The following SLC24A2 variants were observed in gnomAD, a reference collection of about 807,000 sequenced individuals.
The protein encoded by SLC24A2 is sodium/potassium/calcium exchanger 2.
A neutral mutation model predicts 62.0 loss-of-function variants in SLC24A2; 36 were observed. The observed-to-expected ratio is 0.58, with a 90% CI of 0.44 to 0.77. The LOEUF (loss-of-function observed/expected upper bound fraction) is 0.77. SLC24A2 is among the 30% of genes least tolerant of loss of function. The probability of loss-of-function intolerance (pLI) is 0.00; values close to 1 mark genes in which losing one functional copy is unlikely to be tolerated. For synonymous variants in SLC24A2, 358 were observed against 294.0 expected (o/e 1.22, Z -2.23); for missense variants, 846 against 817.9 (o/e 1.03, Z -0.42).
chr9:19,673,727 G>T lies in SLC24A2; in HGVS notation c.931-51428C>A, dbSNP rs373074307. 1.9e-4 allele frequency among the ~76,000 whole-genome samples: 29 copies of T among 152,314 alleles called. 1 individual carries two copies. The highest frequency in any genetic ancestry group is 6.5e-4 in the African/African-American group (27 of 41,578). On this transcript the variant is annotated intron_variant, in intron 2 of 10. Coordinates refer to ENST00000341998, the MANE Select transcript of SLC24A2 (RefSeq NM_020344.4). The stretch of plus-strand genomic sequence containing the variant: ...GGCCTCCCAAAATGCTGGGATTACA[G>T]GTATGAGCCACTGCGCCCAGACGTG...
In SLC24A2 at chr9:19,515,791, T is replaced by C. The variant is rs1482908236; in HGVS notation, c.*362A>G. On this transcript the variant is annotated 3_prime_UTR_variant, in exon 11 of 11. Coordinates refer to ENST00000341998, the MANE Select transcript of SLC24A2 (RefSeq NM_020344.4). Reference sequence around the variant, plus strand: ...GGTATAGTACAGGAACAGGCAGGATTTGTGTGTTCATGTGCGTATATTTAT... The same window carrying C: ...GGTATAGTACAGGAACAGGCAGGATCTGTGTGTTCATGTGCGTATATTTAT... The C allele has an allele frequency of 6.4e-6, 2 of 313,370 alleles. No individual in the cohort carries two copies. Among genetic ancestry groups the C allele is most frequent in the Non-Finnish European group, 1.3e-5 (2 of 159,224 alleles). 19.4% of individuals were successfully genotyped at this position (313,370 alleles called of 1,614,324 possible). A position where few individuals can be genotyped will look rare whatever the true frequency, so the allele number is the denominator to read the frequency against.
chr9:19,900,482 G>A, the SLC24A2 span, among the ~76,000 whole-genome samples: 1 of 152,162 alleles, frequency 6.6e-6, no homozygotes, highest in East Asian at 1.9e-4. Context: ...GTTGATTTTG[G>A]CATCAGGCAG....
At chr9:19,553,036 G>A (rs550629588) in intron 7 of SLC24A2, among the ~76,000 whole-genome samples, 1 of 152,282 alleles carries the variant, frequency 6.6e-6, no homozygotes, top group Admixed American at 6.5e-5. Flanking sequence ...ACAGCCTCCT[G>A]GGGGCCAAGT....
chr9:19,661,894 C>T (rs1275654458), intron 2 of SLC24A2, among the ~76,000 whole-genome samples: 1 of 152,174 alleles, frequency 6.6e-6, no homozygotes, highest in African/African-American at 2.4e-5. Flanking sequence ...CAAAACACAT[C>T]CGAGAGCTTT....
At chr9:19,797,496 C>T in the SLC24A2 span, among the ~76,000 whole-genome samples, 2 of 152,170 alleles carry the variant, frequency 1.3e-5, no homozygotes, top group African/African-American at 4.8e-5. Context: ...TTGGATGCGA[C>T]CTGCCAAGTA....
intron 2 of SLC24A2, among the ~76,000 whole-genome samples, chr9:19,694,596 T>G (rs1820132297): frequency 6.6e-6 from 1 of 152,088 alleles, no homozygotes; most frequent in African/African-American, 2.4e-5. Flanking sequence ...GCATCAAGGG[T>G]TAAAATTCAT....
chr9:19,525,369 G>GTT (rs200126371), intron 9 of SLC24A2, among the ~76,000 whole-genome samples: 2 of 112,014 alleles, frequency 1.8e-5, no homozygotes, highest in African/African-American at 6.6e-5. Context: ...GTTCTGCAAG[G>GTT]TTTTTTTTTC....
the SLC24A2 span, among the ~76,000 whole-genome samples, chr9:19,853,036 C>T: frequency 1.3e-5 from 2 of 152,048 alleles, no homozygotes; most frequent in African/African-American, 4.8e-5. Context: ...CTTCACTTCC[C>T]TTGTTAGATG....
chr9:19,706,625 G>A (rs1427894436), intron 2 of SLC24A2, among the ~76,000 whole-genome samples: 51 of 152,190 alleles, frequency 3.4e-4, no homozygotes, highest in African/African-American at 1.2e-3. Flanking sequence ...TGATCCGCTC[G>A]TCTCGGCCTC....
Position 19,521,006 on chromosome 9 carries a change from C to A in SLC24A2, c.1624G>T (p.Ala542Ser). The part of the protein sequence containing the change: ...EEIMGLTILA[A>S]GTSIPDLITS... ...ATAAGATCAGGGATGGAGGTCCCAG[C>A]AGCCAAGATGGTCAGGCCCATAATC... The change falls in exon 10 of 11, where the codon GCT becomes TCT. Residue 542 changes from alanine to serine, a missense_variant. Transcript: ENST00000341998. The A allele has an allele frequency of 6.2e-7, 1 of 1,614,126 alleles. No individual in the cohort carries two copies. Among genetic ancestry groups the A allele is most frequent in the Non-Finnish European group, 8.5e-7 (1 of 1,179,992 alleles).
At chr9:19,934,105 G>A in the SLC24A2 span, among the ~76,000 whole-genome samples, 2 of 152,132 alleles carry the variant, frequency 1.3e-5, no homozygotes, top group African/African-American at 4.8e-5. This position sits in a 1 kb window ranked among gnomAD's most constrained non-coding sequence, Gnocchi z 4.1. Context: ...CACTTTAAAA[G>A]GGCGAATTTT....
rs184100219 is a variant in SLC24A2, at chr9:19,543,133, G to T, written c.1479+7004C>A. Among the ~76,000 whole-genome samples the T allele has an allele frequency of 7.4e-3, 1,126 of 152,018 alleles. 16 individuals carry two copies. The highest frequency in any genetic ancestry group is 0.024 in the African/African-American group (1,013 of 41,404). On this transcript the variant is annotated intron_variant, in intron 8 of 10. Coordinates refer to ENST00000341998, the MANE Select transcript of SLC24A2 (RefSeq NM_020344.4). ...TTGTTATTGGTCTATTCAGGGATTC[G>T]ACTTCTTCCTGGTTTAGTCTTGGGA...
the SLC24A2 span, among the ~76,000 whole-genome samples, chr9:20,183,679 G>A: frequency 2.6e-5 from 4 of 152,198 alleles, no homozygotes; most frequent in Non-Finnish European, 4.4e-5. Flanking sequence ...GATGAGCAGA[G>A]GATGGAAGAG....
intron 2 of SLC24A2, among the ~76,000 whole-genome samples, chr9:19,687,228 C>T (rs925390866): frequency 2.0e-5 from 3 of 152,062 alleles, no homozygotes; most frequent in African/African-American, 4.8e-5. Context: ...AAACCCATGA[C>T]ACACAATTTA....
At chr9:20,111,704 G>A in the SLC24A2 span, among the ~76,000 whole-genome samples, 1 of 152,078 alleles carries the variant, frequency 6.6e-6, no homozygotes, top group African/African-American at 2.4e-5. Flanking sequence ...ATTAAAGTTT[G>A]AAAAGCACTG....
chr9:20,142,095 T>C, the SLC24A2 span, among the ~76,000 whole-genome samples: 19 of 152,034 alleles, frequency 1.2e-4, no homozygotes, highest in African/African-American at 4.1e-4. Context: ...TAATAATAAT[T>C]ATTATTATTT....
chr9:20,018,837 G>T, the SLC24A2 span, among the ~76,000 whole-genome samples: 1 of 152,028 alleles, frequency 6.6e-6, no homozygotes, highest in Non-Finnish European at 1.5e-5. Flanking sequence ...GCCAAGACTG[G>T]AGGATTGCTT....
At chr9:20,194,624 T>C in the SLC24A2 span, among the ~76,000 whole-genome samples, 7 of 152,148 alleles carry the variant, frequency 4.6e-5, no homozygotes, top group Admixed American at 4.6e-4. Context: ...AACTCCTTTG[T>C]ATAGCCCATT....
the SLC24A2 span, among the ~76,000 whole-genome samples, chr9:19,914,604 G>T: frequency 1.3e-5 from 2 of 152,084 alleles, no homozygotes; most frequent in African/African-American, 4.8e-5. Context: ...GCCAGGCAGA[G>T]GACATGTTCT....
Sources: allele counts gnomAD v4.1 joint callset (sites outside exome capture counted in the v4.1 genomes callset), GRCh38; gene constraint gnomAD v4.1.1; non-coding constraint Gnocchi (gnomAD v3.1); transcripts MANE v1.5; gene names NCBI Gene and HGNC (gene_info 2026-07-23, HGNC 2026-07-21).